The following CCNJL variants were observed in gnomAD, a reference collection of about 807,000 sequenced individuals.
The protein encoded by CCNJL is cyclin J like.
Under a neutral mutation model 33.4 loss-of-function variants are expected in CCNJL, and 33 were observed. The observed-to-expected ratio is 0.99, with a 90% CI of 0.75 to 1.32. The LOEUF (loss-of-function observed/expected upper bound fraction) is 1.32. CCNJL is among the 40% of genes most tolerant of loss of function. The pLI is 0.00. For missense variants in CCNJL, 512 were observed against 499.7 expected, an observed-to-expected ratio of 1.02 and a Z score of -0.23; for synonymous variants, 227 against 220.9, an observed-to-expected ratio of 1.03 and a Z score of -0.24.
intron 1 of CCNJL, among the ~76,000 whole-genome samples, chr5:160,320,988 T>C (rs1192383182): frequency 1.1e-4 from 9 of 78,294 alleles, no homozygotes; most frequent in Middle Eastern, 7.5e-3. Context: ...CTCTCTCTCT[T>C]TCTTTCTTTC....
chr5:160,261,475 C>G (rs1161111375), intron 3 of CCNJL: 1 of 152,326 alleles, frequency 6.6e-6, no homozygotes, highest in Non-Finnish European at 1.5e-5. Context: ...GTCCGAAGTA[C>G]ACACTTTCTT....
At chr5:160,297,673 C>T (rs201171123) in intron 2 of CCNJL, among the ~76,000 whole-genome samples, 1 of 122,098 alleles carries the variant, frequency 8.2e-6, no homozygotes, top group African/African-American at 3.2e-5. Context: ...AAAAAAAAAA[C>T]AAAACACCGG....
upstream of CCNJL, chr5:160,315,292 A>G (rs1290598130): frequency 4.6e-6 from 1 of 219,658 alleles, no homozygotes; most frequent in Non-Finnish European, 1.0e-5. Flanking sequence ...CTTGGGCAAC[A>G]TAGCAAGATC....
chr5:160,334,599 A>G (rs1763659657), intron 1 of CCNJL, among the ~76,000 whole-genome samples: 1 of 152,194 alleles, frequency 6.6e-6, no homozygotes, highest in Non-Finnish European at 1.5e-5. Flanking sequence ...CTTGTCCAAG[A>G]TCACACAGCT....
intron 5 of CCNJL, chr5:160,254,223 C>T (rs1760953473): frequency 3.8e-6 from 2 of 526,480 alleles, no homozygotes; most frequent in African/African-American, 2.0e-5. Flanking sequence ...AGCCCAATCT[C>T]TGCTTTCCAG....
chr5:160,284,749 T>G (rs549187141), intron 2 of CCNJL, among the ~76,000 whole-genome samples: 5 of 152,354 alleles, frequency 3.3e-5, no homozygotes, highest in African/African-American at 1.2e-4. Flanking sequence ...CTGAATAAAT[T>G]ACTTCTTCTC....
At chr5:160,337,766 T>C (rs1460461235) in intron 1 of CCNJL, among the ~76,000 whole-genome samples, 1 of 152,168 alleles carries the variant, frequency 6.6e-6, no homozygotes, top group African/African-American at 2.4e-5. Context: ...TAATATTTAG[T>C]TGGAAATGAG....
chr5:160,252,264 C>T lies in CCNJL; in HGVS notation c.*1114G>A, dbSNP rs1760838144. 6.5e-6 allele frequency: 1 copy of T among 152,788 alleles called. No individual in the cohort carries two copies. Among genetic ancestry groups the T allele is most frequent in the East Asian group, 1.9e-4 (1 of 5,198 alleles). The allele number at this position is 152,788 out of a possible 1,614,324, so 9.5% of individuals were successfully genotyped here. ...GCTTTTGATCCAACCAGTCGCTTGC[C>T]TATCAATGGTGGTATCAAACGCCCA... On this transcript the variant is annotated 3_prime_UTR_variant, in exon 6 of 6. Transcript: ENST00000257536.
chr5:160,264,331 A>G (rs1192430273), intron 3 of CCNJL, among the ~76,000 whole-genome samples: 2 of 152,222 alleles, frequency 1.3e-5, no homozygotes, highest in Middle Eastern at 6.8e-3. Context: ...GTTGGTGGTG[A>G]CGGTGGTGCC....
At chr5:160,274,828 GA>G (rs1222620378) in intron 3 of CCNJL, 1 of 152,388 alleles carries the variant, frequency 6.6e-6, no homozygotes, top group Non-Finnish European at 1.5e-5. Flanking sequence ...TCACCAGTGA[GA>G]AACCTTGTTT....
Position 160,255,728 on chromosome 5 carries a change from G to T in CCNJL, c.584-20C>A, listed in dbSNP as rs1251472333. The T allele has an allele frequency of 6.2e-7, 1 of 1,610,874 alleles. No individual in the cohort carries two copies. The highest frequency in any genetic ancestry group is 8.5e-7 in the Non-Finnish European group (1 of 1,178,626). On this transcript the variant is annotated intron_variant, in intron 4 of 5. Coordinates refer to ENST00000257536, the MANE Select transcript of CCNJL (RefSeq NM_001308173.3). Reference sequence around the variant, plus strand: ...TGTGATCTGAAAGAAAGCCACGGAGGGAGTCAGCATCCAAATCCTCCCCTT... The same window carrying T: ...TGTGATCTGAAAGAAAGCCACGGAGTGAGTCAGCATCCAAATCCTCCCCTT...
At chr5:160,282,046 G>A (rs1236367972) in intron 2 of CCNJL, among the ~76,000 whole-genome samples, 1 of 152,206 alleles carries the variant, frequency 6.6e-6, no homozygotes, top group Non-Finnish European at 1.5e-5. Context: ...CAGGAAATAA[G>A]TTGGCAGAAA....
chr5:160,329,857 C>T (rs1039311008), intron 1 of CCNJL, among the ~76,000 whole-genome samples: 1 of 152,178 alleles, frequency 6.6e-6, no homozygotes, highest in Non-Finnish European at 1.5e-5. Context: ...AATTTGTTGA[C>T]ATTTCATTCT....
chr5:160,335,874 A>G (rs965354064), intron 1 of CCNJL, among the ~76,000 whole-genome samples: 3 of 151,904 alleles, frequency 2.0e-5, no homozygotes, highest in African/African-American at 7.2e-5. Context: ...ATGAGACACT[A>G]CACCCAGACC....
chr5:160,263,116 C>G (rs1002581626), intron 3 of CCNJL, among the ~76,000 whole-genome samples: 13 of 152,192 alleles, frequency 8.5e-5, no homozygotes, highest in Admixed American at 7.9e-4. Context: ...TCACCAGATT[C>G]TGCCCTTGCT....
chr5:160,306,270 CA>C (rs35956418), intron 2 of CCNJL, among the ~76,000 whole-genome samples: 5,142 of 68,864 alleles, frequency 0.075, 198 homozygotes, highest in African/African-American at 0.23. Flanking sequence ...GACTCCGTCT[CA>C]AAAAAAAAAA....
At position 160,259,731 on chromosome 5, in the gene CCNJL, C is replaced by T. The variant is rs962596284; in HGVS notation, c.321G>A (p.Glu107=). The change falls in exon 4 of 6, where the codon GAG becomes GAA. Residue 107 remains glutamate (E), a synonymous_variant. Coordinates refer to ENST00000257536, the MANE Select transcript of CCNJL (RefSeq NM_001308173.3). ...TCAGGATCCTCGTGCTGTTTATTTG[C>T]TCCAACTTGGGGACGTGGTCTTCCC... ...EDREDHVPKL[E]QINSTRILSS... 3 of 1,613,388 alleles carry T rather than the reference C, an allele frequency of 1.9e-6. No homozygotes were observed. The highest frequency in any genetic ancestry group is 2.5e-6 in the Non-Finnish European group (3 of 1,179,450).
chr5:160,330,189 C>G (rs1338710688), intron 1 of CCNJL, among the ~76,000 whole-genome samples: 1 of 152,184 alleles, frequency 6.6e-6, no homozygotes, highest in Non-Finnish European at 1.5e-5. Flanking sequence ...CTCTCAGGGT[C>G]CCCTTGATCT....
At chr5:160,269,614 G>T (rs770604795) in intron 3 of CCNJL, 1 of 387,736 alleles carries the variant, frequency 2.6e-6, no homozygotes, top group African/African-American at 2.1e-5. Flanking sequence ...TCAGAGGGGA[G>T]ATGCTTCCAG....
Sources: allele counts gnomAD v4.1 joint callset (sites outside exome capture counted in the v4.1 genomes callset), GRCh38; gene constraint gnomAD v4.1.1; transcripts MANE v1.5; gene names NCBI Gene and HGNC (gene_info 2026-07-23, HGNC 2026-07-21).